The following MGAT4C variants were observed in gnomAD, a reference collection of about 807,000 sequenced individuals.
MGAT4C encodes the protein alpha-1,3-mannosyl-glycoprotein 4-beta-N-acetylglucosaminyltransferase C.
MGAT4C carries 19 observed loss-of-function variants against 40.1 expected under a neutral mutation model. That is an observed-to-expected ratio of 0.47 (90% CI 0.33 to 0.70). MGAT4C has a LOEUF of 0.70. Among genes scored for constraint, MGAT4C ranks in the 30% least tolerant of loss-of-function variants. The probability of loss-of-function intolerance (pLI) is 0.02; values close to 1 mark genes in which losing one functional copy is unlikely to be tolerated. For synonymous variants in MGAT4C, 181 were observed against 187.1 expected (o/e 0.97, Z 0.27); for missense variants, 491 against 563.2 (o/e 0.87, Z 1.30).
At chr12:86,392,212 C>T (rs562277683) in intron 3 of MGAT4C, among the ~76,000 whole-genome samples, 4 of 152,238 alleles carry the variant, frequency 2.6e-5, no homozygotes, top group African/African-American at 9.6e-5. Context: ...TGGCTCAGTC[C>T]TGTAATCCCA....
chr12:86,734,966 A>G lies in MGAT4C; in HGVS notation c.-261-7725T>C, dbSNP rs372052780. Among the ~76,000 whole-genome samples, 14 of 152,148 alleles carry G rather than the reference A, an allele frequency of 9.2e-5. No homozygotes were observed. In the East Asian group the frequency reaches 1.6e-3, roughly 17 times the overall value. On this transcript the variant is annotated intron_variant, in intron 1 of 7. Coordinates refer to the MGAT4C transcript ENST00000548651. ...GTAGGAAAACATTTAAATAGTGTGTATAAGATGTTATTTAATTGCGGAACT... is the reference window on the plus strand; with the variant it reads ...GTAGGAAAACATTTAAATAGTGTGTGTAAGATGTTATTTAATTGCGGAACT...
chr12:86,227,533 T>A (rs1231888585), intron 1 of MGAT4C, among the ~76,000 whole-genome samples: 1 of 152,104 alleles, frequency 6.6e-6, no homozygotes. Flanking sequence ...CTGTTAGAGA[T>A]ATCTTCATTT....
rs1364799723 is a variant in MGAT4C at position 85,972,373 on chromosome 12, C to T, written c.*6916G>A. ...ATAGATATTTTCATTTAAAGAAAAA[C>T]TATTTGTTCATTTTATTAGCAGATA... On this transcript the variant is annotated 3_prime_UTR_variant, in exon 5 of 5. Transcript: ENST00000611864. 6.6e-6 allele frequency: 1 copy of T among 150,818 alleles called. No individual in the cohort carries two copies. Among genetic ancestry groups the T allele is most frequent in the African/African-American group, 2.4e-5 (1 of 41,244 alleles). 9.3% of individuals were successfully genotyped at this position (150,818 alleles called of 1,614,324 possible). A position where few individuals can be genotyped will look rare whatever the true frequency, so the allele number is the denominator to read the frequency against.
chr12:86,205,966 T>A lies in MGAT4C; in HGVS notation c.-57+50273A>T, dbSNP rs963226600. ...TGCTTCCACCAAAAAAAAAAAAAAA[T>A]TAAGCAATTATGGCTTTCTTCCATT... is the stretch of plus-strand genomic sequence containing the variant. On this transcript the variant is annotated intron_variant, in intron 1 of 4. Transcript: ENST00000611864. Among the ~76,000 whole-genome samples, 354 of 149,434 alleles carry A rather than the reference T, an allele frequency of 2.4e-3. 1 individual carries two copies. The highest frequency in any genetic ancestry group is 8.1e-3 in the African/African-American group (328 of 40,608).
At chr12:86,351,229 CT>C (rs138754178) in intron 3 of MGAT4C, among the ~76,000 whole-genome samples, 1,558 of 152,002 alleles carry the variant, frequency 0.01, 19 homozygotes, top group East Asian at 0.045. Flanking sequence ...ACATTTCCTT[CT>C]TGTGAGACTG....
chr12:86,255,310 T>C (rs1952471378), intron 1 of MGAT4C, among the ~76,000 whole-genome samples: 1 of 152,118 alleles, frequency 6.6e-6, no homozygotes. Flanking sequence ...TTTGAGGGGA[T>C]ACAAATGTTT....
intron 2 of MGAT4C, among the ~76,000 whole-genome samples, chr12:86,563,622 C>G (rs1420605914): frequency 6.6e-6 from 1 of 152,182 alleles, no homozygotes; most frequent in African/African-American, 2.4e-5. Flanking sequence ...GTTAATCTTT[C>G]TCCCATCCTT....
At chr12:86,490,620 C>T (rs1380720926) in intron 2 of MGAT4C, among the ~76,000 whole-genome samples, 1 of 152,052 alleles carries the variant, frequency 6.6e-6, no homozygotes, top group Admixed American at 6.5e-5. Flanking sequence ...TTAAAAGACA[C>T]AGACTGGCAA....
rs188135202 is a variant in MGAT4C, at chr12:86,809,183, G to A, written c.-262+29483C>T. 2.2e-3 allele frequency among the ~76,000 whole-genome samples: 337 copies of A among 152,040 alleles called. 6 individuals are homozygous for A. Among genetic ancestry groups the A allele is most frequent in the African/African-American group, 7.8e-3 (324 of 41,530 alleles). On this transcript the variant is annotated intron_variant, in intron 1 of 7. Transcript: ENST00000548651. ...CCATGTTCATGGATAGGATGAATGT[G>A]GATTTTTATTTAGCATAATCCTTTC...
At chr12:86,664,730 C>T (rs1209404103) in intron 2 of MGAT4C, among the ~76,000 whole-genome samples, 1 of 152,048 alleles carries the variant, frequency 6.6e-6, no homozygotes, top group African/African-American at 2.4e-5. Context: ...TCTTATTATT[C>T]AAATTACTAC....
intron 1 of MGAT4C, among the ~76,000 whole-genome samples, chr12:86,773,571 C>G (rs1565980686): frequency 1.3e-5 from 2 of 152,084 alleles, no homozygotes; most frequent in Non-Finnish European, 2.9e-5. Context: ...TAATATTTTC[C>G]TATCTTACTA....
chr12:86,687,782 TGTG>T (rs930916605), intron 2 of MGAT4C, among the ~76,000 whole-genome samples: 42 of 152,204 alleles, frequency 2.8e-4, no homozygotes, highest in Non-Finnish European at 6.0e-4. Context: ...ATGGGTGTGA[TGTG>T]GTGCGGAGAA....
chr12:86,459,659 A>C (rs902610679), intron 2 of MGAT4C, among the ~76,000 whole-genome samples: 42 of 45,902 alleles, frequency 9.1e-4, no homozygotes, highest in Middle Eastern at 0.01. Context: ...AGCCCCCCCA[A>C]CCTTCCCCGC....
At chr12:86,763,702 GAACTCAATAACACACACACAAA>G (rs1951446063) in intron 1 of MGAT4C, among the ~76,000 whole-genome samples, 1 of 151,966 alleles carries the variant, frequency 6.6e-6, no homozygotes, top group Non-Finnish European at 1.5e-5. Flanking sequence ...ATACACAACT[GAACTCAATAACACACACACAAA>G]TGTGTGTGTG....
intron 2 of MGAT4C, among the ~76,000 whole-genome samples, chr12:86,488,549 T>C (rs1396735867): frequency 6.6e-6 from 1 of 152,166 alleles, no homozygotes; most frequent in Non-Finnish European, 1.5e-5. Flanking sequence ...GTAAGCAAAT[T>C]AGATTTATTC....
At chr12:86,732,285 C>T (rs1288164650) in intron 1 of MGAT4C, among the ~76,000 whole-genome samples, 1 of 152,094 alleles carries the variant, frequency 6.6e-6, no homozygotes, top group Non-Finnish European at 1.5e-5. Context: ...CTTTTTGGCA[C>T]TAGGGACTGG....
At chr12:86,026,464 A>T (rs549571438) in intron 2 of MGAT4C, among the ~76,000 whole-genome samples, 2 of 151,974 alleles carry the variant, frequency 1.3e-5, no homozygotes, top group East Asian at 1.9e-4. Context: ...GCACAAATAG[A>T]TTCACTTTAT....
intron 2 of MGAT4C, among the ~76,000 whole-genome samples, chr12:86,468,516 G>A (rs1241353697): frequency 1.3e-5 from 2 of 151,472 alleles, no homozygotes; most frequent in Non-Finnish European, 2.9e-5. Flanking sequence ...AGTCTGAGTT[G>A]TTTTTTTTCT....
chr12:86,782,908 G>C (rs1951869205), intron 1 of MGAT4C, among the ~76,000 whole-genome samples: 1 of 152,116 alleles, frequency 6.6e-6, no homozygotes, highest in Admixed American at 6.5e-5. Context: ...AGAACTGAGA[G>C]AAAATACATT....
Sources: allele counts gnomAD v4.1 joint callset (sites outside exome capture counted in the v4.1 genomes callset), GRCh38; gene constraint gnomAD v4.1.1; transcripts MANE v1.5; gene names NCBI Gene and HGNC (gene_info 2026-07-23, HGNC 2026-07-21).